The following TRAPPC6B variants were observed in gnomAD, a reference collection of about 807,000 sequenced individuals.
The protein encoded by TRAPPC6B is TRAPP complex subunit 6B.
In TRAPPC6B, 27 loss-of-function variants were observed where a neutral mutation model predicts 24.7. That is an observed-to-expected ratio of 1.09 (90% CI 0.81 to 1.51). The LOEUF (loss-of-function observed/expected upper bound fraction) is 1.51. Ranked by LOEUF, TRAPPC6B falls within the 40% of genes most tolerant of loss-of-function variation. The pLI, the probability that TRAPPC6B is intolerant of heterozygous loss-of-function variation, is 0.00. For synonymous variants in TRAPPC6B, 80 were observed against 66.6 expected (o/e 1.20, Z -0.98); for missense variants, 212 against 190.8 (o/e 1.11, Z -0.66).
chr14:39,156,614 G>C (rs142520514), intron 3 of TRAPPC6B: 1 of 152,172 alleles, frequency 6.6e-6, no homozygotes, highest in East Asian at 1.9e-4. Flanking sequence ...TATTAATTTT[G>C]TAGTAAGAAA....
At chr14:39,169,096 T>A (rs1005736987) in intron 1 of TRAPPC6B, among the ~76,000 whole-genome samples, 1 of 152,162 alleles carries the variant, frequency 6.6e-6, no homozygotes, top group Non-Finnish European at 1.5e-5. Context: ...ACATTTCCTA[T>A]CCCCACTCTC....
intron 1 of TRAPPC6B, among the ~76,000 whole-genome samples, chr14:39,163,389 AAAG>A (rs1208069585): frequency 1.3e-5 from 2 of 150,064 alleles, no homozygotes; most frequent in Admixed American, 1.3e-4. Flanking sequence ...AAAAAAAAAA[AAAG>A]ACCAGCAACA....
chr14:39,156,500 C>T lies in TRAPPC6B; in HGVS notation c.267+1785G>A, dbSNP rs533618669. 2.0e-5 allele frequency among the ~76,000 whole-genome samples: 3 copies of T among 151,792 alleles called. No homozygotes were observed. In the South Asian group the frequency reaches 6.2e-4, roughly 32 times the overall value. ...TCCCAGCTATGCAAGAGGCTGAGGCCAAAGAATTACTTGAGTCCAGGAGCT... is the reference window on the plus strand; with the variant it reads ...TCCCAGCTATGCAAGAGGCTGAGGCTAAAGAATTACTTGAGTCCAGGAGCT... On this transcript the variant is annotated intron_variant, in intron 3 of 5. Transcript: ENST00000330149.
At chr14:39,155,947 C>A (rs1336774969) in intron 3 of TRAPPC6B, among the ~76,000 whole-genome samples, 2 of 151,480 alleles carry the variant, frequency 1.3e-5, no homozygotes, top group Non-Finnish European at 2.9e-5. Flanking sequence ...TACCAATATG[C>A]CTGGTGAAAT....
intron 4 of TRAPPC6B, among the ~76,000 whole-genome samples, chr14:39,153,394 G>A (rs1009257655): frequency 2.6e-5 from 4 of 151,930 alleles, no homozygotes; most frequent in African/African-American, 7.3e-5. Flanking sequence ...CTGGGAGGCC[G>A]AGGTGAGGTG....
rs181854579 is a variant in TRAPPC6B at position 39,166,092 on chromosome 14, G to A, written c.81+3923C>T. 4.9e-3 allele frequency among the ~76,000 whole-genome samples: 741 copies of A among 151,768 alleles called. 1 individual carries two copies. Among genetic ancestry groups the A allele is most frequent in the African/African-American group, 0.016 (682 of 41,428 alleles). On this transcript the variant is annotated intron_variant, in intron 1 of 5. Transcript: ENST00000330149. ...GCTAGGATTACAGGCCTGAGCCACC[G>A]TGTCCAGCCTCTTTTTTTTTTTATT...
At chr14:39,169,715 T>G (rs2053144870) in intron 1 of TRAPPC6B, among the ~76,000 whole-genome samples, 1 of 152,052 alleles carries the variant, frequency 6.6e-6, no homozygotes. Flanking sequence ...GTTAACCCTC[T>G]CGTAAATAAT....
rs1056518566 is a variant in TRAPPC6B at position 39,149,294 on chromosome 14, G to T, written c.*1056C>A. On this transcript the variant is annotated 3_prime_UTR_variant, in exon 6 of 6. Transcript: ENST00000330149. ...AGTACCCAGTGAAACATCTTGTTTG[G>T]TGTGTCAGTCACCCCCTGCTGCAGA... is the stretch of plus-strand genomic sequence containing the variant. 6.6e-6 allele frequency: 1 copy of T among 152,016 alleles called. No homozygotes were observed. The highest frequency in any genetic ancestry group is 1.9e-4 in the East Asian group (1 of 5,204). The allele number at this position is 152,016 out of a possible 1,614,324, so 9.4% of individuals were successfully genotyped here.
chr14:39,169,056 T>C (rs557195635), intron 1 of TRAPPC6B, among the ~76,000 whole-genome samples: 33 of 152,330 alleles, frequency 2.2e-4, no homozygotes, highest in African/African-American at 7.2e-4. Context: ...CACTCTTTCA[T>C]ACCTCTACCA....
chr14:39,161,994 G>A (rs965552128), intron 1 of TRAPPC6B, among the ~76,000 whole-genome samples: 3 of 152,118 alleles, frequency 2.0e-5, no homozygotes, highest in Non-Finnish European at 4.4e-5. Context: ...TAGGAGGAGG[G>A]GCTCCCACCA....
At chr14:39,154,774 C>T (rs572133289) in intron 3 of TRAPPC6B, among the ~76,000 whole-genome samples, 3 of 152,122 alleles carry the variant, frequency 2.0e-5, no homozygotes, top group East Asian at 3.9e-4. Context: ...TGAAGAGTTG[C>T]GAGTTCAGTA....
chr14:39,159,527 C>G lies in TRAPPC6B; in HGVS notation c.105G>C (p.Lys35Asn). ...GEVENGRCIT[K>N]LENMGFRVGQ... ...CCACTCGAAACCCCATGTTTTCCAGCTTAGTAATACATCGTCCGTTTTCCT... is the reference window on the plus strand; with the variant it reads ...CCACTCGAAACCCCATGTTTTCCAGGTTAGTAATACATCGTCCGTTTTCCT... The change falls in exon 2 of 6, where the codon AAG (lysine) becomes AAC (asparagine). Residue 35 changes from lysine to asparagine, a missense_variant. Physicochemically the swap from Lys to Asn is moderately conservative, Grantham distance 94. Coordinates refer to ENST00000330149, the MANE Select transcript of TRAPPC6B (RefSeq NM_001079537.2). 6.2e-7 allele frequency: 1 copy of G among 1,605,094 alleles called. No individual in the cohort carries two copies. Among genetic ancestry groups the G allele is most frequent in the Non-Finnish European group, 8.5e-7 (1 of 1,175,270 alleles).
chr14:39,153,701 T>C (rs1017623535), intron 4 of TRAPPC6B, among the ~76,000 whole-genome samples: 15 of 147,706 alleles, frequency 1.0e-4, no homozygotes, highest in African/African-American at 3.7e-4. Flanking sequence ...TTTCTTTTTT[T>C]TCTTTTTTTT....
chr14:39,155,225 G>A (rs1452367942), intron 3 of TRAPPC6B, among the ~76,000 whole-genome samples: 1 of 151,662 alleles, frequency 6.6e-6, no homozygotes, highest in Non-Finnish European at 1.5e-5. Flanking sequence ...CACCACACCC[G>A]ACCTAATTTT....
intron 5 of TRAPPC6B, among the ~76,000 whole-genome samples, chr14:39,151,165 A>T (rs1481600264): frequency 6.6e-6 from 1 of 151,910 alleles, no homozygotes; most frequent in South Asian, 2.1e-4. Context: ...GCCGAGGCAG[A>T]CGGATCACAA....
chr14:39,148,120 T>G lies in TRAPPC6B; in HGVS notation c.*2230A>C, dbSNP rs1195434069. ...TATCTACATCCCACTATTCTCAGTG[T>G]GATAGCTTTCATCTCCATACTTGTC... On this transcript the variant is annotated 3_prime_UTR_variant, in exon 6 of 6. Coordinates refer to ENST00000330149, the MANE Select transcript of TRAPPC6B (RefSeq NM_001079537.2). The G allele has an allele frequency of 3.3e-5, 5 of 152,304 alleles. No homozygotes were observed. Among genetic ancestry groups the G allele is most frequent in the African/African-American group, 1.2e-4 (5 of 41,454 alleles). The allele number at this position is 152,304 out of a possible 1,614,324, so 9.4% of individuals were successfully genotyped here.
rs1327468503 is a variant in TRAPPC6B at position 39,149,344 on chromosome 14, A to T, written c.*1006T>A. ...AGTTCCCTGTCACACAAATACATGC[A>T]AAAGGGTAATAAATAAATGGGAAAC... On this transcript the variant is annotated 3_prime_UTR_variant, in exon 6 of 6. Transcript: ENST00000330149. 6.6e-6 allele frequency: 1 copy of T among 152,214 alleles called. No individual in the cohort carries two copies. The highest frequency in any genetic ancestry group is 2.4e-5 in the African/African-American group (1 of 41,458). The allele number at this position is 152,214 out of a possible 1,614,324, so 9.4% of individuals were successfully genotyped here.
At position 39,167,480 on chromosome 14, in the gene TRAPPC6B, A is replaced by C. The variant is rs976275595; in HGVS notation, c.81+2535T>G. On this transcript the variant is annotated intron_variant, in intron 1 of 5. Transcript: ENST00000330149. ...ATAGGTCTTTTCAGACATAAACAACATAGTTTTTACAGATCTTTTTATGTC... is the reference window on the plus strand; with the variant it reads ...ATAGGTCTTTTCAGACATAAACAACCTAGTTTTTACAGATCTTTTTATGTC... 3.3e-5 allele frequency among the ~76,000 whole-genome samples: 5 copies of C among 152,198 alleles called. No individual in the cohort carries two copies. The East Asian group carries it at 9.6e-4, about 29-fold the overall frequency.
At chr14:39,157,737 C>T (rs186844415) in intron 3 of TRAPPC6B, 6 of 235,512 alleles carry the variant, frequency 2.5e-5, no homozygotes, top group Non-Finnish European at 5.1e-5. Flanking sequence ...GAACCAATTA[C>T]GACAGACAAA....
Sources: allele counts gnomAD v4.1 joint callset (sites outside exome capture counted in the v4.1 genomes callset), GRCh38; gene constraint gnomAD v4.1.1; transcripts MANE v1.5; gene names NCBI Gene and HGNC (gene_info 2026-07-23, HGNC 2026-07-21).